The following OR9Q1 variants were observed in gnomAD, a reference collection of about 807,000 sequenced individuals.
The protein encoded by OR9Q1 is olfactory receptor 9Q1.
For synonymous variants in OR9Q1, 153 were observed against 148.6 expected, an observed-to-expected ratio of 1.03 and a Z score of -0.22; for missense variants, 374 against 378.8, an observed-to-expected ratio of 0.99 and a Z score of 0.11.
At chr11:58,150,467 G>A (rs761912354) in intron 2 of OR9Q1, among the ~76,000 whole-genome samples, 2 of 152,166 alleles carry the variant, frequency 1.3e-5, no homozygotes, top group Non-Finnish European at 2.9e-5. Context: ...TTTGTTTATT[G>A]TTGAGTTGCA....
chr11:58,052,981 A>G (rs11229233), intron 1 of OR9Q1, among the ~76,000 whole-genome samples: 17,129 of 150,878 alleles, frequency 0.11, 1,040 homozygotes, highest in Non-Finnish European at 0.14. Context: ...AGAAATAGGA[A>G]CACTTTTACA....
At chr11:58,135,011 C>T (rs1312417910) in intron 2 of OR9Q1, among the ~76,000 whole-genome samples, 1 of 152,128 alleles carries the variant, frequency 6.6e-6, no homozygotes. Context: ...CTTTGTTGAA[C>T]ACTCAATATG....
intron 1 of OR9Q1, among the ~76,000 whole-genome samples, chr11:58,029,977 G>C (rs1853014496): frequency 6.6e-6 from 1 of 152,032 alleles, no homozygotes; most frequent in South Asian, 2.1e-4. Flanking sequence ...GAGTAGCTGG[G>C]ATTACAGGTG....
intron 2 of OR9Q1, chr11:58,077,891 T>TCATGC (rs1853552748): frequency 6.6e-6 from 1 of 152,000 alleles, no homozygotes; most frequent in South Asian, 2.1e-4. Flanking sequence ...GCATGGTGGC[T>TCATGC]CATGCCTGTA....
At chr11:58,028,051 G>A (rs766052494) in intron 1 of OR9Q1, among the ~76,000 whole-genome samples, 6 of 151,236 alleles carry the variant, frequency 4.0e-5, no homozygotes, top group South Asian at 2.1e-4. Context: ...CCCTTGCTTT[G>A]TACCAGGCCC....
chr11:58,061,912 T>C (rs2119997787), intron 2 of OR9Q1, among the ~76,000 whole-genome samples: 1 of 152,336 alleles, frequency 6.6e-6, no homozygotes, highest in African/African-American at 2.4e-5. Context: ...AACAGCTACA[T>C]GCCAGTTCGT....
chr11:58,107,531 T>A (rs1479607603), intron 2 of OR9Q1, among the ~76,000 whole-genome samples: 2 of 152,180 alleles, frequency 1.3e-5, no homozygotes, highest in Non-Finnish European at 2.9e-5. Context: ...TTTGGGTAGG[T>A]TCCAAGTCTT....
At chr11:58,177,539 G>A (rs1854617284) in intron 2 of OR9Q1, among the ~76,000 whole-genome samples, 1 of 152,124 alleles carries the variant, frequency 6.6e-6, no homozygotes, top group South Asian at 2.1e-4. Flanking sequence ...GACAATATCA[G>A]TTCTTATAAA....
At chr11:58,148,043 T>C (rs1854315916) in intron 2 of OR9Q1, among the ~76,000 whole-genome samples, 1 of 152,160 alleles carries the variant, frequency 6.6e-6, no homozygotes, top group Admixed American at 6.6e-5. Context: ...ACAATGATAT[T>C]GGAAAGATGA....
chr11:58,041,936 T>C (rs10896693), intron 1 of OR9Q1, among the ~76,000 whole-genome samples: 39,813 of 152,132 alleles, frequency 0.26, 5,745 homozygotes, highest in East Asian at 0.6. Flanking sequence ...CAACCACCTA[T>C]GGAAGCTCCA....
At chr11:58,162,256 A>G (rs889712599) in intron 2 of OR9Q1, among the ~76,000 whole-genome samples, 1 of 152,204 alleles carries the variant, frequency 6.6e-6, no homozygotes, top group Non-Finnish European at 1.5e-5. Flanking sequence ...CTCTGAGAAA[A>G]TCACCTTTCA....
At chr11:58,094,967 C>T (rs918464594) in intron 2 of OR9Q1, among the ~76,000 whole-genome samples, 3 of 152,194 alleles carry the variant, frequency 2.0e-5, no homozygotes, top group East Asian at 1.9e-4. Context: ...CTCTGACAAA[C>T]ATTTTGTGCA....
At chr11:58,093,542 C>T (rs562177456) in intron 2 of OR9Q1, among the ~76,000 whole-genome samples, 66 of 152,032 alleles carry the variant, frequency 4.3e-4, no homozygotes, top group South Asian at 2.1e-3. Flanking sequence ...AGGCAGATCA[C>T]GAGGTCAGGA....
chr11:58,032,434 G>A (rs887856834), intron 1 of OR9Q1, among the ~76,000 whole-genome samples: 36 of 152,142 alleles, frequency 2.4e-4, no homozygotes, highest in Admixed American at 1.3e-3. Flanking sequence ...AGACCAATGG[G>A]ACAGAATAGA....
intron 2 of OR9Q1, among the ~76,000 whole-genome samples, chr11:58,143,195 T>C (rs779375951): frequency 6.6e-6 from 1 of 152,222 alleles, no homozygotes; most frequent in African/African-American, 2.4e-5. Flanking sequence ...TAATTCTAAG[T>C]GTGTGTCAGA....
intron 2 of OR9Q1, chr11:58,078,265 G>A (rs997120514): frequency 6.6e-6 from 1 of 152,198 alleles, no homozygotes; most frequent in African/African-American, 2.4e-5. Flanking sequence ...GCTGCTTATG[G>A]TCATTGCTGT....
chr11:58,080,439 C>A (rs1319112020), intron 2 of OR9Q1, among the ~76,000 whole-genome samples: 3 of 152,038 alleles, frequency 2.0e-5, no homozygotes, highest in Non-Finnish European at 1.5e-5. Flanking sequence ...GTGCATAGTG[C>A]TGTAATGAAC....
chr11:58,090,843 A>G (rs1853677300), intron 2 of OR9Q1, among the ~76,000 whole-genome samples: 1 of 152,072 alleles, frequency 6.6e-6, no homozygotes, highest in African/African-American at 2.4e-5. Context: ...CTATTCAGGG[A>G]TTCAACTTCT....
chr11:58,063,877 A>G (rs1273249525), intron 2 of OR9Q1, among the ~76,000 whole-genome samples: 1 of 152,236 alleles, frequency 6.6e-6, no homozygotes, highest in African/African-American at 2.4e-5. Flanking sequence ...TGTTTCAAAG[A>G]AACATCAAGA....
Sources: allele counts gnomAD v4.1 joint callset (sites outside exome capture counted in the v4.1 genomes callset), GRCh38; gene constraint gnomAD v4.1.1; transcripts MANE v1.5; gene names NCBI Gene and HGNC (gene_info 2026-07-23, HGNC 2026-07-21).